GFM1: variants seen among roughly 807,000 people sequenced by gnomAD.
The protein encoded by GFM1 is G elongation factor mitochondrial 1, also known as elongation factor G, mitochondrial.
Under a neutral mutation model 96.2 loss-of-function variants are expected in GFM1, and 62 were observed. The observed-to-expected ratio is 0.64, with a 90% CI of 0.53 to 0.80. The LOEUF (loss-of-function observed/expected upper bound fraction) is 0.80, where lower values mean the gene tolerates loss of function less well. GFM1 is among the 30% of genes least tolerant of loss of function. The pLI is 0.00. For synonymous variants in GFM1, 282 were observed against 312.9 expected (o/e 0.90, Z 1.04); for missense variants, 852 against 916.6 (o/e 0.93, Z 0.91).
chr3:158,659,513 T>C (rs868117639), intron 9 of GFM1, among the ~76,000 whole-genome samples: 37 of 152,344 alleles, frequency 2.4e-4, no homozygotes, highest in Non-Finnish European at 3.7e-4. Flanking sequence ...CTAGAGCTTC[T>C]ATTCCTGTTG....
chr3:158,679,112 C>T (rs527288353), intron 13 of GFM1, among the ~76,000 whole-genome samples: 2 of 152,334 alleles, frequency 1.3e-5, no homozygotes, highest in East Asian at 1.9e-4. Flanking sequence ...GGCTCCTAGA[C>T]CTTCAGTCTC....
chr3:158,683,049 A>C (rs889509697), intron 14 of GFM1, among the ~76,000 whole-genome samples: 3 of 152,126 alleles, frequency 2.0e-5, no homozygotes, highest in East Asian at 1.9e-4. Flanking sequence ...AAAAAAAAAA[A>C]AAAACTGTTG....
chr3:158,693,592 T>A lies in GFM1; in HGVS notation c.*2125T>A, dbSNP rs1281948046. The A allele has an allele frequency of 6.6e-6, 1 of 152,196 alleles. No individual in the cohort carries two copies. The highest frequency in any genetic ancestry group is 2.4e-5 in the African/African-American group (1 of 41,436). The allele number at this position is 152,196 out of a possible 1,614,324, so 9.4% of individuals were successfully genotyped here. Reference sequence around the variant, plus strand: ...TTAGTTATAGTTGGCAAAGATCACATACCAACCAAAGTCTGTAGCATGGAA... The same window carrying A: ...TTAGTTATAGTTGGCAAAGATCACAAACCAACCAAAGTCTGTAGCATGGAA... On this transcript the variant is annotated 3_prime_UTR_variant, in exon 18 of 18. Transcript: ENST00000486715.
intron 12 of GFM1, 145 bp downstream of exon 12, chr3:158,665,619 T>C: frequency 1.4e-6 from 1 of 707,678 alleles, no homozygotes; most frequent in Non-Finnish European, 2.5e-6. Flanking sequence ...GTCTACTGCT[T>C]CCTCTACTAT....
In GFM1 at chr3:158,669,469, A is replaced by G. The variant is rs769580776; in HGVS notation, c.1601+3083A>G. 5 of 1,613,856 alleles carry G rather than the reference A, an allele frequency of 3.1e-6. No individual in the cohort carries two copies. In the East Asian group the frequency reaches 1.1e-4, roughly 36 times the overall value. ...TGTGCTTCTAGCGGTTCCTTCATGG[A>G]CTTAAGTCTTTGATAAAATGTGTTG... On this transcript the variant is annotated intron_variant, in intron 13 of 17. Transcript: ENST00000486715.
intron 13 of GFM1, chr3:158,667,115 T>C: frequency 6.6e-7 from 1 of 1,516,868 alleles, no homozygotes; most frequent in East Asian, 2.3e-5. Flanking sequence ...AAACTTAATA[T>C]CTTTGGCAAA....
intron 8 of GFM1, among the ~76,000 whole-genome samples, chr3:158,655,224 C>A (rs541343868): frequency 3.3e-5 from 5 of 152,038 alleles, no homozygotes; most frequent in African/African-American, 1.2e-4. Flanking sequence ...CTGAGGCGGG[C>A]AGATCAGAAG....
intron 1 of GFM1, 131 bp from the exon 2 acceptor site, chr3:158,645,498 G>A: frequency 1.3e-6 from 1 of 770,598 alleles, no homozygotes; most frequent in Non-Finnish European, 2.3e-6. Context: ...GGTTTCCCCT[G>A]GTGCCTTTCT....
intron 13 of GFM1, among the ~76,000 whole-genome samples, chr3:158,679,784 A>T (rs1220246136): frequency 1.3e-5 from 2 of 152,194 alleles, no homozygotes; most frequent in African/African-American, 4.8e-5. Flanking sequence ...TTTGCTGATA[A>T]TGAAATTTTG....
rs1723675632 is a variant in GFM1, at chr3:158,666,322, GGCT to G, written c.1539_1541del (p.Cys514del). Reference sequence around the variant, plus strand: ...TTTTTAGAGGCTGGAAAGAGAGTATGGCTGTCCTTGTATCACAGGAAAGCCAAA... The same window carrying G: ...TTTTTAGAGGCTGGAAAGAGAGTATGGTCCTTGTATCACAGGAAAGCCAAA... On this transcript the variant is annotated inframe_deletion, in exon 13 of 18. Coordinates refer to ENST00000486715, the MANE Select transcript of GFM1 (RefSeq NM_024996.7). The G allele has an allele frequency of 2.5e-6, 4 of 1,613,222 alleles. No homozygotes were observed. Among genetic ancestry groups the G allele is most frequent in the Non-Finnish European group, 3.4e-6 (4 of 1,179,502 alleles).
At chr3:158,658,157 C>CTTTTTTTTTTTTT (rs397842738) in intron 8 of GFM1, among the ~76,000 whole-genome samples, 4 of 97,358 alleles carry the variant, frequency 4.1e-5, no homozygotes, top group Non-Finnish European at 5.7e-5. Context: ...TCACAGAACT[C>CTTTTTTTTTTTTT]TTTTTTTTTT....
intron 13 of GFM1, chr3:158,666,698 C>T (rs745539519): frequency 8.1e-6 from 13 of 1,613,932 alleles, no homozygotes; most frequent in Non-Finnish European, 1.1e-5. Flanking sequence ...TACTTTAGTG[C>T]CGTATTGTGG....
intron 13 of GFM1, among the ~76,000 whole-genome samples, chr3:158,673,280 A>G (rs990498675): frequency 6.6e-6 from 1 of 152,322 alleles, no homozygotes; most frequent in South Asian, 2.1e-4. Context: ...GTCATTTTGA[A>G]TATTTTACTT....
intron 4 of GFM1, among the ~76,000 whole-genome samples, chr3:158,648,677 T>TA (rs1722041400): frequency 1.6e-5 from 1 of 63,638 alleles, no homozygotes; most frequent in Non-Finnish European, 2.8e-5. Flanking sequence ...GACTCTTGTC[T>TA]CAAAAAAAAA....
intron 11 of GFM1, 30 bp from the exon 12 acceptor site, chr3:158,665,307 A>G: frequency 2.5e-6 from 4 of 1,569,152 alleles, no homozygotes; most frequent in Non-Finnish European, 3.5e-6. Flanking sequence ...GCTCAGTAAA[A>G]CATATAGTGA....
At position 158,669,505 on chromosome 3, in the gene GFM1, C is replaced by T. The variant is rs138577707; in HGVS notation, c.1601+3119C>T. 74 of 1,613,930 alleles carry T rather than the reference C, an allele frequency of 4.6e-5. No homozygotes were observed. In the East Asian group the frequency reaches 1.6e-3, roughly 35 times the overall value. ...TGATAAAATGTGTTGTCTTCTTCATCTGGATTCTTTCCAGTTTCTCCTTCA... is the reference window on the plus strand; with the variant it reads ...TGATAAAATGTGTTGTCTTCTTCATTTGGATTCTTTCCAGTTTCTCCTTCA... On this transcript the variant is annotated intron_variant, in intron 13 of 17. Transcript: ENST00000486715.
chr3:158,691,143 C>G lies in GFM1; in HGVS notation c.2075C>G (p.Pro692Arg). The change falls in exon 17 of 18, where the codon CCT (proline) becomes CGT (arginine). Residue 692 changes from proline to arginine, a missense_variant. Physicochemically the swap from Pro to Arg is moderately radical, Grantham distance 103. Transcript: ENST00000486715. ...ATCTACTATGTTTGTTTTCAGGTCCCTCTAAATGATATGTTTGGTTATTCC... is the reference window on the plus strand; with the variant it reads ...ATCTACTATGTTTGTTTTCAGGTCCGTCTAAATGATATGTTTGGTTATTCC... Reference protein sequence around the residue: ...EDYFTLYADVPLNDMFGYSTE... With the variant: ...EDYFTLYADVRLNDMFGYSTE... 2 of 1,608,676 alleles carry G rather than the reference C, an allele frequency of 1.2e-6. No individual in the cohort carries two copies. Among genetic ancestry groups the G allele is most frequent in the Middle Eastern group, 1.7e-4 (1 of 6,036 alleles).
chr3:158,649,451 G>A (rs1032556039), intron 5 of GFM1: 2 of 285,196 alleles, frequency 7.0e-6, no homozygotes, highest in East Asian at 8.7e-5. Flanking sequence ...GTTAGTGAAT[G>A]TATTGTATCT....
At chr3:158,673,501 T>C (rs1439826999) in intron 13 of GFM1, among the ~76,000 whole-genome samples, 15 of 125,030 alleles carry the variant, frequency 1.2e-4, no homozygotes, top group African/African-American at 5.4e-4. Flanking sequence ...TTTTTTTCTT[T>C]TCTTTTCTTT....
Sources: gnomAD v4.1 joint callset for allele counts (sites outside exome capture counted in the v4.1 genomes callset) on GRCh38, gnomAD v4.1.1 for gene constraint, MANE v1.5 for transcripts, NCBI Gene and HGNC (gene_info 2026-07-23, HGNC 2026-07-21) for gene names.